LRRC4C: variants seen among roughly 807,000 people sequenced by gnomAD.
LRRC4C encodes the protein leucine rich repeat containing 4C.
LRRC4C carries 5 observed loss-of-function variants against 33.6 expected under a neutral mutation model. That is an observed-to-expected ratio of 0.15 (90% confidence interval 0.08 to 0.31). The LOEUF (loss-of-function observed/expected upper bound fraction) is 0.31. Among genes scored for constraint, LRRC4C ranks in the 10% least tolerant of loss-of-function variants. LRRC4C has a pLI of 1.00. For missense variants in LRRC4C, 560 were observed against 796.7 expected (o/e 0.70, Z 3.58); for synonymous variants, 329 against 302.0 (o/e 1.09, Z -0.93).
intron 1 of LRRC4C, among the ~76,000 whole-genome samples, chr11:41,196,844 A>T (rs1295488031): frequency 6.6e-6 from 1 of 152,030 alleles, no homozygotes; most frequent in African/African-American, 2.4e-5. Flanking sequence ...TACTGCCAGG[A>T]TCTAATTAAT....
At chr11:40,317,215 TGACTTAG>T (rs1173782575) in intron 4 of LRRC4C, among the ~76,000 whole-genome samples, 2 of 151,338 alleles carry the variant, frequency 1.3e-5, no homozygotes, top group South Asian at 2.1e-4. Flanking sequence ...GACATCCTAC[TGACTTAG>T]GACTACTTTA....
intron 3 of LRRC4C, among the ~76,000 whole-genome samples, chr11:40,430,147 C>G (rs1405808808): frequency 1.3e-5 from 2 of 151,740 alleles, no homozygotes; most frequent in Non-Finnish European, 2.9e-5. Context: ...ATCAAAGCTT[C>G]AAAAACATTC....
At chr11:40,773,384 G>C (rs1018030584) in intron 2 of LRRC4C, among the ~76,000 whole-genome samples, 2 of 151,952 alleles carry the variant, frequency 1.3e-5, no homozygotes, top group African/African-American at 4.8e-5. Flanking sequence ...AGAAAAAATG[G>C]TAAACACTTG....
chr11:41,082,558 T>G (rs1590481575), intron 1 of LRRC4C, among the ~76,000 whole-genome samples: 1 of 151,988 alleles, frequency 6.6e-6, no homozygotes, highest in African/African-American at 2.4e-5. Flanking sequence ...CACAATGACT[T>G]GAATAATAAA....
intron 6 of LRRC4C, among the ~76,000 whole-genome samples, chr11:40,121,816 G>A (rs1855848821): frequency 6.6e-6 from 1 of 152,140 alleles, no homozygotes; most frequent in Non-Finnish European, 1.5e-5. Context: ...TTGTAAGCAA[G>A]GAGGGAGAAA....
At chr11:40,324,107 TACTC>T (rs924204953) in intron 3 of LRRC4C, among the ~76,000 whole-genome samples, 3 of 152,190 alleles carry the variant, frequency 2.0e-5, no homozygotes, top group Non-Finnish European at 4.4e-5. Flanking sequence ...TAGGTACACA[TACTC>T]ACATAGAAGT....
intron 2 of LRRC4C, among the ~76,000 whole-genome samples, chr11:40,759,277 T>A (rs1949087141): frequency 6.7e-6 from 1 of 148,182 alleles, no homozygotes; most frequent in African/African-American, 2.5e-5. Flanking sequence ...ATTATATATA[T>A]ACATCTTCCA....
chr11:40,798,437 C>T (rs544180066), intron 2 of LRRC4C, among the ~76,000 whole-genome samples: 1 of 152,158 alleles, frequency 6.6e-6, no homozygotes, highest in African/African-American at 2.4e-5. Flanking sequence ...AGTTAGTTTT[C>T]TGATTTCAAA....
At chr11:40,172,295 T>C (rs1390117895) in intron 5 of LRRC4C, among the ~76,000 whole-genome samples, 1 of 152,150 alleles carries the variant, frequency 6.6e-6, no homozygotes. Context: ...ACACTATTAC[T>C]ATTCTAGTCT....
intron 2 of LRRC4C, among the ~76,000 whole-genome samples, chr11:40,736,325 C>T (rs917662853): frequency 4.6e-5 from 7 of 152,014 alleles, no homozygotes; most frequent in African/African-American, 7.2e-5. Context: ...CATCCATGTC[C>T]CTGCAAAGGA....
At chr11:41,274,959 G>A (rs995871108) in intron 1 of LRRC4C, among the ~76,000 whole-genome samples, 2 of 152,080 alleles carry the variant, frequency 1.3e-5, no homozygotes, top group South Asian at 4.1e-4. Context: ...GAGATGTATG[G>A]GTCATGGGGG....
intron 1 of LRRC4C, among the ~76,000 whole-genome samples, chr11:41,445,241 G>A (rs1955784006): frequency 6.6e-6 from 1 of 152,174 alleles, no homozygotes; most frequent in Admixed American, 6.5e-5. Context: ...TCTGCATAAT[G>A]AAAACACTGT....
intron 2 of LRRC4C, among the ~76,000 whole-genome samples, chr11:40,728,914 G>A (rs1947423220): frequency 6.7e-6 from 1 of 149,880 alleles, no homozygotes; most frequent in South Asian, 2.2e-4. Context: ...TCCTAAACAT[G>A]GGAGCTAATT....
At chr11:40,558,155 G>T (rs1295911958) in intron 3 of LRRC4C, among the ~76,000 whole-genome samples, 2 of 152,122 alleles carry the variant, frequency 1.3e-5, no homozygotes, top group East Asian at 3.9e-4. Context: ...AAACAGAATG[G>T]AATGCTAACT....
chr11:41,438,068 A>AATAAATACATAC (rs1441537821), intron 1 of LRRC4C, among the ~76,000 whole-genome samples: 1 of 151,018 alleles, frequency 6.6e-6, no homozygotes, highest in South Asian at 2.1e-4. Flanking sequence ...TAAATAAATA[A>AATAAATACATAC]ATAATAAAAA....
At chr11:41,182,747 A>AT (rs928569587) in intron 1 of LRRC4C, among the ~76,000 whole-genome samples, 21 of 152,102 alleles carry the variant, frequency 1.4e-4, no homozygotes, top group African/African-American at 4.8e-4. Context: ...TAACTTCAAA[A>AT]TATACTTAAC....
intron 6 of LRRC4C, among the ~76,000 whole-genome samples, chr11:40,131,857 A>T (rs1429461896): frequency 3.3e-5 from 5 of 152,186 alleles, no homozygotes; most frequent in Non-Finnish European, 7.3e-5. Context: ...AACAATTTGA[A>T]TCATACAATT....
intron 2 of LRRC4C, among the ~76,000 whole-genome samples, chr11:40,705,671 G>A (rs1946129176): frequency 1.3e-5 from 2 of 151,878 alleles, no homozygotes; most frequent in Non-Finnish European, 2.9e-5. Flanking sequence ...AAACATATGT[G>A]TGCATGTGTC....
At chr11:40,796,603 T>C (rs924202662) in intron 2 of LRRC4C, among the ~76,000 whole-genome samples, 2 of 151,324 alleles carry the variant, frequency 1.3e-5, no homozygotes, top group Non-Finnish European at 2.9e-5. Context: ...GATAGCTGGT[T>C]TAGGGAAAAC....
Sources: allele counts gnomAD v4.1 joint callset (sites outside exome capture counted in the v4.1 genomes callset), GRCh38; gene constraint gnomAD v4.1.1; transcripts MANE v1.5; gene names NCBI Gene and HGNC (gene_info 2026-07-23, HGNC 2026-07-21).